Variants in BBX observed in about 807,000 individuals in gnomAD.
BBX encodes HMG box transcription factor BBX.
BBX carries 30 observed loss-of-function variants against 100.2 expected under a neutral mutation model. The observed-to-expected ratio is 0.30, with a 90% CI of 0.22 to 0.41. The LOEUF (loss-of-function observed/expected upper bound fraction) is 0.41, where lower values mean the gene tolerates loss of function less well. BBX is among the 10% of genes least tolerant of loss of function. The pLI is 1.00. For missense variants in BBX, 1,023 were observed against 1,129.8 expected (o/e 0.91, Z 1.35); for synonymous variants, 376 against 388.1 (o/e 0.97, Z 0.37).
At chr3:107,752,809 G>A (rs887640540) in intron 9 of BBX, among the ~76,000 whole-genome samples, 1 of 152,146 alleles carries the variant, frequency 6.6e-6, no homozygotes, top group African/African-American at 2.4e-5. Context: ...TATGCCGTAT[G>A]GCCCACTAGT....
chr3:107,789,899 A>G, intron 14 of BBX, 23 bp downstream of exon 14: 14 of 1,511,328 alleles, frequency 9.3e-6, no homozygotes, highest in South Asian at 2.4e-5. Flanking sequence ...TCCATCCTCC[A>G]TGAAGGGTTC....
chr3:107,733,173 C>T (rs1448678414), intron 7 of BBX, 150 bp downstream of exon 7: 1 of 710,564 alleles, frequency 1.4e-6, no homozygotes, highest in South Asian at 2.1e-5. Context: ...TTCTGTGTGT[C>T]TTGTGTGTTG....
chr3:107,782,464 C>G (rs989523148), intron 13 of BBX, among the ~76,000 whole-genome samples: 1 of 151,964 alleles, frequency 6.6e-6, no homozygotes, highest in Admixed American at 6.6e-5. Flanking sequence ...CCACCACCAC[C>G]AGAGTTACGC....
chr3:107,760,147 A>G (rs1337107638), intron 10 of BBX, among the ~76,000 whole-genome samples: 3 of 152,254 alleles, frequency 2.0e-5, no homozygotes, highest in Non-Finnish European at 4.4e-5. Flanking sequence ...GTTAGAGCCT[A>G]CACAGGAACC....
At chr3:107,793,577 T>A (rs1274033406) in intron 15 of BBX, among the ~76,000 whole-genome samples, 2 of 152,200 alleles carry the variant, frequency 1.3e-5, no homozygotes, top group Admixed American at 6.5e-5. Context: ...CTCTCTCGTC[T>A]ATGACTATAT....
chr3:107,668,579 T>C (rs2058864712), intron 3 of BBX, among the ~76,000 whole-genome samples: 1 of 152,184 alleles, frequency 6.6e-6, no homozygotes, highest in Non-Finnish European at 1.5e-5. Context: ...AAGTTCATGC[T>C]CTGGAACTCT....
chr3:107,584,166 T>A lies in BBX; in HGVS notation c.-84+57768T>A, dbSNP rs1419148342. Among the ~76,000 whole-genome samples the A allele has an allele frequency of 2.2e-4, 7 of 31,626 alleles. 2 individuals carry two copies. The Admixed American group carries it at 3.2e-3, about 14-fold the overall frequency. 20.7% of individuals were successfully genotyped at this position (31,626 alleles called of 152,430 possible). A position where few individuals can be genotyped will look rare whatever the true frequency, so the allele number is the denominator to read the frequency against. On this transcript the variant is annotated intron_variant, in intron 2 of 17. Transcript: ENST00000325805. ...TTATATATAATATATGATATATATA[T>A]TATTATATATATTATATATAATATA...
At chr3:107,636,704 C>T (rs953629029) in intron 2 of BBX, among the ~76,000 whole-genome samples, 7 of 152,070 alleles carry the variant, frequency 4.6e-5, no homozygotes, top group African/African-American at 1.2e-4. Context: ...CTTATGTCTA[C>T]CAATGGAAAT....
intron 13 of BBX, among the ~76,000 whole-genome samples, chr3:107,787,208 G>A (rs1410269809): frequency 6.6e-6 from 1 of 152,236 alleles, no homozygotes; most frequent in East Asian, 1.9e-4. Flanking sequence ...TTCTGGCCAG[G>A]ATGGTCTTGA....
intron 6 of BBX, among the ~76,000 whole-genome samples, chr3:107,732,158 T>G (rs1310912791): frequency 6.6e-6 from 1 of 152,160 alleles, no homozygotes; most frequent in East Asian, 1.9e-4. Context: ...CATTAAGAGA[T>G]CCTCCTGCCT....
chr3:107,710,592 AGAG>A lies in BBX; in HGVS notation c.135_137del (p.Glu46del). 5.6e-6 allele frequency: 9 copies of A among 1,613,704 alleles called. No homozygotes were observed. The highest frequency in any genetic ancestry group is 7.6e-6 in the Non-Finnish European group (9 of 1,179,776). ...TTCTTGATTTTTCAGAAGAGGAAGAAGAGGAAGACGAAGAGGAGGATATTGATA... is the reference window on the plus strand; with the variant it reads ...TTCTTGATTTTTCAGAAGAGGAAGAAGAAGACGAAGAGGAGGATATTGATA... On this transcript the variant is annotated inframe_deletion, in exon 4 of 18. Coordinates refer to ENST00000325805, the MANE Select transcript of BBX (RefSeq NM_001142568.3).
chr3:107,559,075 G>C (rs898141789), intron 2 of BBX, among the ~76,000 whole-genome samples: 1 of 152,170 alleles, frequency 6.6e-6, no homozygotes, highest in African/African-American at 2.4e-5. Flanking sequence ...TGGTTATTCT[G>C]TTTGGCTTCG....
At chr3:107,615,584 A>G (rs2055191128) in intron 2 of BBX, among the ~76,000 whole-genome samples, 2 of 152,130 alleles carry the variant, frequency 1.3e-5, no homozygotes, top group Non-Finnish European at 2.9e-5. Context: ...GTTCAACTCC[A>G]AAAACCATAA....
chr3:107,768,320 A>C (rs1418066616), intron 10 of BBX, among the ~76,000 whole-genome samples: 1 of 152,240 alleles, frequency 6.6e-6, no homozygotes, highest in Non-Finnish European at 1.5e-5. Flanking sequence ...TCCAGATTTT[A>C]GCAAGACTTT....
intron 3 of BBX, among the ~76,000 whole-genome samples, chr3:107,692,036 A>C (rs1191489902): frequency 6.6e-6 from 1 of 152,186 alleles, no homozygotes; most frequent in Non-Finnish European, 1.5e-5. Flanking sequence ...ACAGTAAAGA[A>C]CAGTAGCTAA....
chr3:107,685,573 A>G (rs1576329595), intron 3 of BBX, among the ~76,000 whole-genome samples: 1 of 152,222 alleles, frequency 6.6e-6, no homozygotes, highest in South Asian at 2.1e-4. Flanking sequence ...AGGATAATGC[A>G]GGCTATCCTG....
At chr3:107,641,101 T>G (rs1272598998) in intron 2 of BBX, among the ~76,000 whole-genome samples, 3 of 150,846 alleles carry the variant, frequency 2.0e-5, no homozygotes, top group Admixed American at 6.6e-5. Flanking sequence ...TTTTTTTTTT[T>G]TGAGACTGAA....
At chr3:107,743,919 T>G (rs1336081094) in intron 7 of BBX, among the ~76,000 whole-genome samples, 1 of 3,232 alleles carries the variant, frequency 3.1e-4, no homozygotes, top group Non-Finnish European at 6.4e-4. Flanking sequence ...GTTTTAGTGG[T>G]TTTTTTTTTT....
At chr3:107,780,150 T>G (rs934173687) in intron 13 of BBX, among the ~76,000 whole-genome samples, 2 of 152,048 alleles carry the variant, frequency 1.3e-5, no homozygotes, top group African/African-American at 2.4e-5. Context: ...TATTTAGGAA[T>G]AGGAAAAGTA....
Sources: allele counts gnomAD v4.1 joint callset (sites outside exome capture counted in the v4.1 genomes callset), GRCh38; gene constraint gnomAD v4.1.1; transcripts MANE v1.5; gene names NCBI Gene and HGNC (gene_info 2026-07-23, HGNC 2026-07-21).